ULK4: variants seen among roughly 807,000 people sequenced by gnomAD.
The protein encoded by ULK4 is unc-51 like kinase 4, also known as inactive serine/threonine-protein kinase ULK4.
Under a neutral mutation model 160.6 loss-of-function variants are expected in ULK4, and 133 were observed. That is an observed-to-expected ratio of 0.83 (90% CI 0.72 to 0.96). The LOEUF (loss-of-function observed/expected upper bound fraction) is 0.96, where lower values mean the gene tolerates loss of function less well. Ranked by LOEUF, ULK4 falls within the 40% of genes least tolerant of loss-of-function variation. The pLI, the probability that ULK4 is intolerant of heterozygous loss-of-function variation, is 0.00. For synonymous variants in ULK4, 534 were observed against 539.8 expected, an observed-to-expected ratio of 0.99 and a Z score of 0.15; for missense variants, 1,580 against 1,499.5, an observed-to-expected ratio of 1.05 and a Z score of -0.89.
intron 12 of ULK4, among the ~76,000 whole-genome samples, chr3:41,903,750 CTAAA>C (rs1224526569): frequency 2.6e-5 from 4 of 152,036 alleles, no homozygotes; most frequent in South Asian, 2.1e-4. Context: ...CAGGAATAAA[CTAAA>C]TGATCAATAA....
intron 27 of ULK4, among the ~76,000 whole-genome samples, chr3:41,696,106 A>G (rs112931149): frequency 0.19 from 29,458 of 152,052 alleles, 7,499 homozygotes; most frequent in African/African-American, 0.59. Context: ...GGGAAAGGCA[A>G]TCTCCCTTTC....
intron 35 of ULK4, among the ~76,000 whole-genome samples, chr3:41,284,078 CACAA>C (rs1298540087): frequency 6.6e-6 from 1 of 152,068 alleles, no homozygotes; most frequent in Admixed American, 6.5e-5. Context: ...TCATAGATGA[CACAA>C]ACAAATGGAA....
intron 32 of ULK4, among the ~76,000 whole-genome samples, chr3:41,467,515 C>T (rs1407904341): frequency 2.6e-5 from 4 of 152,006 alleles, no homozygotes; most frequent in East Asian, 1.9e-4. Context: ...TGATAGAGCA[C>T]GACTCTGTTA....
At chr3:41,672,204 T>C (rs1177242890) in intron 29 of ULK4, among the ~76,000 whole-genome samples, 1 of 152,152 alleles carries the variant, frequency 6.6e-6, no homozygotes, top group African/African-American at 2.4e-5. Flanking sequence ...GATCCAGCAA[T>C]TCCATTGCTA....
chr3:41,686,495 T>C (rs1195929657), intron 27 of ULK4, among the ~76,000 whole-genome samples: 1 of 151,892 alleles, frequency 6.6e-6, no homozygotes, highest in South Asian at 2.1e-4. Flanking sequence ...TGTGTGTGTG[T>C]GTAAGATATT....
At chr3:41,540,141 T>C (rs1168771002) in intron 32 of ULK4, among the ~76,000 whole-genome samples, 1 of 152,102 alleles carries the variant, frequency 6.6e-6, no homozygotes, top group African/African-American at 2.4e-5. Context: ...ACATTTGCCA[T>C]GGTGGTTCAC....
intron 35 of ULK4, among the ~76,000 whole-genome samples, chr3:41,380,412 GTGA>G (rs1292547066): frequency 6.6e-6 from 1 of 152,106 alleles, no homozygotes; most frequent in East Asian, 1.9e-4. Context: ...AAAGCCCCAA[GTGA>G]TGGAGAAAAA....
At chr3:41,573,108 C>T (rs1165322320) in intron 31 of ULK4, among the ~76,000 whole-genome samples, 1 of 152,180 alleles carries the variant, frequency 6.6e-6, no homozygotes, top group African/African-American at 2.4e-5. Flanking sequence ...CACTTGATGG[C>T]TCTAATAAAA....
intron 6 of ULK4, 130 bp from the exon 7 acceptor site, chr3:41,918,670 C>T (rs904908574): frequency 5.2e-5 from 24 of 463,502 alleles, no homozygotes; most frequent in East Asian, 1.4e-4. Flanking sequence ...GGCGCAATCT[C>T]GGCTCACTGC....
chr3:41,764,119 T>C (rs910052948), intron 21 of ULK4, among the ~76,000 whole-genome samples: 3 of 152,208 alleles, frequency 2.0e-5, no homozygotes, highest in Admixed American at 6.5e-5. Context: ...GACTTTGGTA[T>C]ACACAATAAA....
rs765320635 is a variant in ULK4 at position 41,705,248 on chromosome 3, A to C, written c.2686+6T>G. On this transcript the variant is annotated splice_donor_region_variant and intron_variant, in intron 26 of 36. Transcript: ENST00000301831. ...AAAGACACAAAATGTTCCAGGGTCT[A>C]CTCACCTATGGCTCCATCTATGTTC... The C allele has an allele frequency of 6.2e-7, 1 of 1,613,510 alleles. No homozygotes were observed. Among genetic ancestry groups the C allele is most frequent in the East Asian group, 2.2e-5 (1 of 44,852 alleles).
Position 41,302,112 on chromosome 3 carries a change from G to A in ULK4, c.3679-52538C>T, listed in dbSNP as rs528848577. ...AAGAATGTTTGGCAAACAAAGAATT[G>A]AACAGATGTATTGAAAGGTGTTGGC... is the stretch of plus-strand genomic sequence containing the variant. On this transcript the variant is annotated intron_variant, in intron 35 of 36. Transcript: ENST00000301831. Among the ~76,000 whole-genome samples the A allele has an allele frequency of 1.4e-4, 21 of 152,266 alleles. No homozygotes were observed. In the South Asian group the frequency reaches 4.1e-3, roughly 30 times the overall value.
At chr3:41,825,918 G>T (rs1305784149) in intron 18 of ULK4, among the ~76,000 whole-genome samples, 1 of 152,156 alleles carries the variant, frequency 6.6e-6, no homozygotes, top group African/African-American at 2.4e-5. Context: ...AGAAAGGTCG[G>T]GTTACCCACA....
chr3:41,880,603 AAC>A (rs1303180977), intron 17 of ULK4, among the ~76,000 whole-genome samples: 9 of 152,270 alleles, frequency 5.9e-5, no homozygotes, highest in Non-Finnish European at 2.9e-5. Context: ...AAAGGTGAGT[AAC>A]AAAATGAGGT....
intron 29 of ULK4, among the ~76,000 whole-genome samples, chr3:41,676,685 C>T (rs2035728258): frequency 6.6e-6 from 1 of 151,944 alleles, no homozygotes; most frequent in African/African-American, 2.4e-5. Flanking sequence ...ATTAATATTT[C>T]CAACAATTAG....
At chr3:41,944,554 A>G (rs1700057522) in intron 2 of ULK4, among the ~76,000 whole-genome samples, 2 of 152,204 alleles carry the variant, frequency 1.3e-5, no homozygotes, top group Middle Eastern at 3.4e-3. Flanking sequence ...TGATACAGCA[A>G]AACTCCTTAA....
intron 35 of ULK4, among the ~76,000 whole-genome samples, chr3:41,286,574 A>G (rs926245285): frequency 1.3e-5 from 2 of 152,244 alleles, no homozygotes; most frequent in East Asian, 1.9e-4. Context: ...ATAAACGTAG[A>G]AAGAAGAGCT....
chr3:41,483,827 CAGG>C (rs1398124750), intron 32 of ULK4, among the ~76,000 whole-genome samples: 1 of 152,152 alleles, frequency 6.6e-6, no homozygotes, highest in Non-Finnish European at 1.5e-5. Context: ...CAGAGGGAGG[CAGG>C]AGACCAGGCT....
intron 35 of ULK4, chr3:41,251,043 T>G (rs908325798): frequency 1.3e-5 from 2 of 152,162 alleles, no homozygotes; most frequent in African/African-American, 4.8e-5. Context: ...AGCCCTGCCA[T>G]GAGATTGTGT....
Sources: allele counts gnomAD v4.1 joint callset (sites outside exome capture counted in the v4.1 genomes callset), GRCh38; gene constraint gnomAD v4.1.1; transcripts MANE v1.5; gene names NCBI Gene and HGNC (gene_info 2026-07-23, HGNC 2026-07-21).